PUM2: variants seen among roughly 807,000 people sequenced by gnomAD.
PUM2 encodes pumilio homolog 2.
A neutral mutation model predicts 124.5 loss-of-function variants in PUM2; 57 were observed. That is an observed-to-expected ratio of 0.46 (90% CI 0.37 to 0.57). The LOEUF is 0.57. Ranked by LOEUF, PUM2 falls within the 20% of genes least tolerant of loss-of-function variation. The pLI, the probability that PUM2 is intolerant of heterozygous loss-of-function variation, is 0.00. For missense variants in PUM2, 1,065 were observed against 1,290.6 expected, an observed-to-expected ratio of 0.83 and a Z score of 2.68; for synonymous variants, 460 against 446.1, an observed-to-expected ratio of 1.03 and a Z score of -0.39.
intron 12 of PUM2, among the ~76,000 whole-genome samples, chr2:20,280,272 G>C (rs1671207136): frequency 6.6e-6 from 1 of 152,074 alleles, no homozygotes; most frequent in Non-Finnish European, 1.5e-5. Flanking sequence ...CAGTTTCTGA[G>C]ACTGATCATG....
At chr2:20,268,048 T>G (rs900053368) in intron 13 of PUM2, among the ~76,000 whole-genome samples, 4 of 152,144 alleles carry the variant, frequency 2.6e-5, no homozygotes, top group African/African-American at 9.7e-5. Flanking sequence ...AGACCGTAAG[T>G]GAAACCACCA....
At chr2:20,266,155 A>C (rs1410662600) in intron 13 of PUM2, among the ~76,000 whole-genome samples, 1 of 152,156 alleles carries the variant, frequency 6.6e-6, no homozygotes, top group African/African-American at 2.4e-5. Flanking sequence ...GAAATTTACA[A>C]ATTTGGCCAG....
chr2:20,332,846 A>G (rs1685201922), intron 1 of PUM2: 1 of 152,204 alleles, frequency 6.6e-6, no homozygotes, highest in Non-Finnish European at 1.5e-5. Flanking sequence ...AAAAAAATGT[A>G]TTCAGGAGTA....
intron 13 of PUM2, among the ~76,000 whole-genome samples, chr2:20,266,627 C>T (rs1016101148): frequency 1.3e-5 from 2 of 152,130 alleles, no homozygotes; most frequent in African/African-American, 4.8e-5. Context: ...CAATTTTTAA[C>T]ATACATTAGA....
At chr2:20,319,398 C>T (rs1047416941) in intron 2 of PUM2, among the ~76,000 whole-genome samples, 3 of 152,166 alleles carry the variant, frequency 2.0e-5, no homozygotes, top group African/African-American at 7.2e-5. Context: ...GAGAAGTGAA[C>T]TTAGCATTTT....
intron 7 of PUM2, among the ~76,000 whole-genome samples, chr2:20,302,331 A>T (rs1279904417): frequency 6.6e-6 from 1 of 152,256 alleles, no homozygotes; most frequent in East Asian, 1.9e-4. Flanking sequence ...ACAGGACATT[A>T]TCAAACATTC....
intron 10 of PUM2, among the ~76,000 whole-genome samples, chr2:20,284,948 G>A (rs10187080): frequency 0.36 from 54,860 of 152,074 alleles, 10,029 homozygotes; most frequent in Middle Eastern, 0.43. Flanking sequence ...AACTGTACAT[G>A]CCAGTCAATA....
chr2:20,296,879 A>C lies in PUM2; in HGVS notation c.1009+674T>G, dbSNP rs117314116. The stretch of plus-strand genomic sequence containing the variant: ...CTTTTCCTTACTTACACAGACAATA[A>C]ATACAGCTTTTTTGTTGTTGTTTTC... On this transcript the variant is annotated intron_variant, in intron 8 of 20. Transcript: ENST00000361078. Among the ~76,000 whole-genome samples, 193 of 152,146 alleles carry C rather than the reference A, an allele frequency of 1.3e-3. 2 individuals are homozygous for C. The East Asian group carries it at 0.032, about 25-fold the overall frequency.
intron 12 of PUM2, 132 bp downstream of exon 12, chr2:20,282,815 A>G (rs1233314792): frequency 1.9e-6 from 2 of 1,064,502 alleles, no homozygotes; most frequent in Admixed American, 6.1e-5. Context: ...TTTCCTACAA[A>G]TTAAACCAGT....
chr2:20,345,001 A>G (rs1013974755), intron 1 of PUM2, among the ~76,000 whole-genome samples: 11 of 147,850 alleles, frequency 7.4e-5, no homozygotes, highest in East Asian at 3.9e-4. Flanking sequence ...AAAAAAAAAA[A>G]AAAGAAAAGA....
chr2:20,282,991 A>G lies in PUM2; in HGVS notation c.1676T>C (p.Leu559Ser), dbSNP rs1028302441. The G allele has an allele frequency of 1.2e-6, 2 of 1,614,050 alleles. No homozygotes were observed. The highest frequency in any genetic ancestry group is 1.3e-5 in the African/African-American group (1 of 74,954). ...TSLGFGSGNS[L>S]GAAIGSALSG... ...GAGGGCTGAGCCTATAGCAGCACCC[A>G]AAGAGTTACCACTTCCAAAGCCAAG... is the stretch of plus-strand genomic sequence containing the variant. Residue 559 changes from leucine to serine, a missense_variant, in exon 12 of 21, where the codon TTG becomes TCG. Leu to Ser is a moderately radical substitution (Grantham distance 145). Around this residue, in one of 3 missense-constraint regions of PUM2, gnomAD observed 968 missense variants for 1,159.8 expected, o/e 0.83. Transcript: ENST00000361078.
At chr2:20,307,535 T>C (rs1678638663) in intron 7 of PUM2, among the ~76,000 whole-genome samples, 1 of 152,172 alleles carries the variant, frequency 6.6e-6, no homozygotes, top group Non-Finnish European at 1.5e-5. Context: ...CCCATATTAT[T>C]ATTGTGGGAG....
intron 1 of PUM2, among the ~76,000 whole-genome samples, chr2:20,339,568 C>T (rs1464334795): frequency 2.0e-5 from 3 of 152,108 alleles, no homozygotes; most frequent in Non-Finnish European, 4.4e-5. Flanking sequence ...TATTCTCTCA[C>T]CATCTGATTT....
In PUM2 at chr2:20,254,859, A is replaced by C; in HGVS notation, c.2870+4T>G. ...ACCCTTAAAATTACAAAGTATTACA[A>C]TACCTGGCAAATTTGTGTTGACTCA... On this transcript the variant is annotated splice_donor_region_variant and intron_variant, in intron 19 of 20. Coordinates refer to ENST00000361078, the MANE Select transcript of PUM2 (RefSeq NM_015317.5). The C allele has an allele frequency of 6.2e-7, 1 of 1,612,486 alleles. No individual in the cohort carries two copies. Among genetic ancestry groups the C allele is most frequent in the South Asian group, 1.1e-5 (1 of 90,598 alleles).
In PUM2 at chr2:20,350,700, A is replaced by T; in HGVS notation, c.-122T>A. 1.0e-6 allele frequency: 1 copy of T among 981,938 alleles called. No individual in the cohort carries two copies. The highest frequency in any genetic ancestry group is 1.2e-6 in the Non-Finnish European group (1 of 828,446). 60.8% of individuals were successfully genotyped at this position (981,938 alleles called of 1,614,324 possible). ...CCCCTCCTCCGCCTTCGGTGGCGGCAATGTCTTCTTTCTCCACCTACCACC... is the reference window on the plus strand; with the variant it reads ...CCCCTCCTCCGCCTTCGGTGGCGGCTATGTCTTCTTTCTCCACCTACCACC... On this transcript the variant is annotated 5_prime_UTR_variant, in exon 1 of 21. Transcript: ENST00000361078.
At chr2:20,273,973 T>C (rs571771055) in intron 13 of PUM2, among the ~76,000 whole-genome samples, 2 of 152,298 alleles carry the variant, frequency 1.3e-5, no homozygotes, top group South Asian at 4.1e-4. Context: ...AGAGGCTAAT[T>C]AGAATAAGTT....
intron 1 of PUM2, among the ~76,000 whole-genome samples, chr2:20,344,982 CAAAAAAAAAAAAAAAA>C (rs762460030): frequency 1.5e-5 from 1 of 66,262 alleles, no homozygotes; most frequent in Non-Finnish European, 2.8e-5. Flanking sequence ...GACTCTGTCT[CAAAAAAAAAAAAAAAA>C]AAAAAAGAAA....
At chr2:20,348,023 T>C (rs1273190977) in intron 1 of PUM2, among the ~76,000 whole-genome samples, 2 of 152,132 alleles carry the variant, frequency 1.3e-5, no homozygotes, top group Admixed American at 6.6e-5. Context: ...TTTTAATGCA[T>C]TTCCTAAAAA....
chr2:20,333,808 G>A (rs182553636), intron 1 of PUM2, among the ~76,000 whole-genome samples: 1 of 152,158 alleles, frequency 6.6e-6, no homozygotes, highest in Non-Finnish European at 1.5e-5. Context: ...AGTGTTAGGG[G>A]TGGGGCCTAG....
Sources: gnomAD v4.1 joint callset for allele counts (sites outside exome capture counted in the v4.1 genomes callset) on GRCh38, gnomAD v4.1.1 for gene constraint, gnomAD v4.1.1 regional missense constraint, MANE v1.5 for transcripts, NCBI Gene and HGNC (gene_info 2026-07-23, HGNC 2026-07-21) for gene names.